SEPTIN3: variants seen among roughly 807,000 people sequenced by gnomAD.
SEPTIN3 encodes neuronal-specific septin-3.
A neutral mutation model predicts 45.1 loss-of-function variants in SEPTIN3; 15 were observed. The observed-to-expected ratio is 0.33, with a 90% CI of 0.22 to 0.51. The LOEUF (loss-of-function observed/expected upper bound fraction) is 0.51. Among genes scored for constraint, SEPTIN3 ranks in the 20% least tolerant of loss-of-function variants. The pLI is 0.97. For synonymous variants in SEPTIN3, 148 were observed against 164.8 expected (o/e 0.90, Z 0.78); for missense variants, 289 against 457.2 (o/e 0.63, Z 3.35).
At chr22:41,987,075 G>A in intron 4 of SEPTIN3, 131 bp from the exon 5 acceptor site, 2 of 605,640 alleles carry the variant, frequency 3.3e-6, no homozygotes, top group Non-Finnish European at 5.8e-6. Flanking sequence ...AGATGGAAAA[G>A]ACCCTAAATT....
chr22:41,971,171 C>T (rs779465533), intron 1 of SEPTIN3, among the ~76,000 whole-genome samples: 33 of 152,114 alleles, frequency 2.2e-4, no homozygotes, highest in Admixed American at 6.5e-4. Flanking sequence ...CAAAGGGAGA[C>T]GTAAGCCCAG....
At chr22:41,995,555 C>T (rs1365957593) in intron 11 of SEPTIN3, 2 of 985,078 alleles carry the variant, frequency 2.0e-6, no homozygotes, top group African/African-American at 1.8e-5. Context: ...CTGCGTGTCT[C>T]TGACATCTCT....
intron 2 of SEPTIN3, among the ~76,000 whole-genome samples, chr22:41,974,131 G>A (rs1201917772): frequency 7.0e-6 from 1 of 142,732 alleles, no homozygotes; most frequent in South Asian, 2.3e-4. Flanking sequence ...GACAGAGCAA[G>A]ACCCTGTCTC....
At chr22:41,978,061 C>T (rs1247577158) in intron 2 of SEPTIN3, among the ~76,000 whole-genome samples, 8 of 152,260 alleles carry the variant, frequency 5.3e-5, no homozygotes, top group East Asian at 3.9e-4. Context: ...TGCTGTGACC[C>T]GAGCTCTTCC....
chr22:41,977,125 C>G (rs1862652383), intron 2 of SEPTIN3: 2 of 1,561,788 alleles, frequency 1.3e-6, no homozygotes, highest in Non-Finnish European at 1.7e-6. Context: ...GGCTGCGGCC[C>G]CGGCCAGCGC....
rs59942714 is a variant in SEPTIN3, at chr22:41,994,883, CTGTGTG to C, written c.2505+204_2505+209del. The C allele has an allele frequency of 8.4e-3, 11,207 of 1,334,466 alleles. 84 individuals carry two copies. The highest frequency in any genetic ancestry group is 0.07 in the African/African-American group (4,557 of 64,752). 82.7% of individuals were successfully genotyped at this position (1,334,466 alleles called of 1,614,324 possible). On this transcript the variant is annotated intron_variant, in intron 11 of 11. Coordinates refer to ENST00000644076, the MANE Select transcript of SEPTIN3 (RefSeq NM_001363845.2). This position sits in a 1 kb window ranked among gnomAD's most constrained non-coding sequence, Gnocchi z 4.2. ...GTCTGGTATTTGTGGAGCATCTTGT[CTGTGTG>C]TGTGTGTGTGTGTGTGTGTGTGTGT...
Position 41,971,863 on chromosome 22 carries a change from G to C in SEPTIN3, c.371G>C (p.Arg124Pro). ...HQNSQARSLD[R>P]PLSHWEELPT... ...AACAGCCAGGCACGGTCCCTGGATC[G>C]CCCACTTTCTCACTGGGAAGAGTTG... is the stretch of plus-strand genomic sequence containing the variant. Residue 124 changes from arginine (R) to proline (P), a missense_variant, in exon 2 of 12, where the codon CGC (arginine) becomes CCC (proline). Physicochemically the swap from Arg to Pro is moderately radical, Grantham distance 103. Around this residue, in one of 3 missense-constraint regions of SEPTIN3, gnomAD observed 200 missense variants for 315.1 expected, o/e 0.63. Transcript: ENST00000644076. The C allele has an allele frequency of 2.5e-6, 1 of 399,076 alleles. No individual in the cohort carries two copies. Among genetic ancestry groups the C allele is most frequent in the Non-Finnish European group, 4.4e-6 (1 of 226,144 alleles). The allele number at this position is 399,076 out of a possible 1,614,324, so 24.7% of individuals were successfully genotyped here. A position where few individuals can be genotyped will look rare whatever the true frequency, so the allele number is the denominator to read the frequency against.
In SEPTIN3 at chr22:41,972,565, A is replaced by C. The variant is rs904037787; in HGVS notation, c.1073A>C (p.Asp358Ala). Residue 358 changes from aspartate (D) to alanine (A), a missense_variant, in exon 2 of 12, where the codon GAC becomes GCC. Physicochemically the swap from Asp to Ala is moderately radical, Grantham distance 126. Around this residue, in one of 3 missense-constraint regions of SEPTIN3, gnomAD observed 200 missense variants for 315.1 expected, o/e 0.63. Coordinates refer to ENST00000644076, the MANE Select transcript of SEPTIN3 (RefSeq NM_001363845.2). Reference protein sequence around the residue: ...MVMDLIASEPDKLGKAMATRS... With the variant: ...MVMDLIASEPAKLGKAMATRS... ...ATGGATTTGATAGCCTCAGAACCAG[A>C]CAAGCTGGGCAAAGCCATGGCTACA... The C allele has an allele frequency of 7.5e-6, 3 of 399,052 alleles. No individual in the cohort carries two copies. The highest frequency in any genetic ancestry group is 6.2e-5 in the African/African-American group (3 of 48,640). The allele number at this position is 399,052 out of a possible 1,614,324, so 24.7% of individuals were successfully genotyped here. A position where few individuals can be genotyped will look rare whatever the true frequency, so the allele number is the denominator to read the frequency against.
chr22:41,988,226 G>A (rs1232869388), intron 6 of SEPTIN3, among the ~76,000 whole-genome samples: 1 of 152,140 alleles, frequency 6.6e-6, no homozygotes, highest in Non-Finnish European at 1.5e-5. Context: ...GTACCAGCCT[G>A]GAGTGAGGCA....
chr22:41,977,618 T>G (rs1602411303), intron 2 of SEPTIN3, among the ~76,000 whole-genome samples: 2 of 120,550 alleles, frequency 1.7e-5, no homozygotes, highest in African/African-American at 6.5e-5. Context: ...GGAACTGGGG[T>G]GGGCTGGAAT....
intron 6 of SEPTIN3, among the ~76,000 whole-genome samples, chr22:41,988,360 G>A (rs1022650840): frequency 2.0e-5 from 3 of 152,180 alleles, no homozygotes; most frequent in Non-Finnish European, 2.9e-5. Context: ...TGAAGGAAGT[G>A]CTGGGAACAG....
In SEPTIN3 at chr22:41,989,692, G is replaced by T. The variant is rs79906803; in HGVS notation, c.2163+8G>T. On this transcript the variant is annotated splice_region_variant and intron_variant, in intron 7 of 11. Transcript: ENST00000644076. ...TCTGAATTCAAGCAAAGGGTGAGAA[G>T]GCCCCCTGTCTTCTTTTCCTGTTCC... 9.6e-5 allele frequency: 149 copies of T among 1,551,830 alleles called. No individual in the cohort carries two copies. In the African/African-American group the frequency reaches 1.7e-3, roughly 17 times the overall value.
chr22:41,991,322 C>T (rs2078312837), intron 7 of SEPTIN3, among the ~76,000 whole-genome samples: 1 of 152,112 alleles, frequency 6.6e-6, no homozygotes, highest in South Asian at 2.1e-4. Context: ...AAGCTGGTTG[C>T]GAGGCGCCTG....
chr22:41,984,688 C>G (rs372072247), intron 3 of SEPTIN3, among the ~76,000 whole-genome samples: 3 of 151,402 alleles, frequency 2.0e-5, no homozygotes, highest in Non-Finnish European at 4.4e-5. Flanking sequence ...GCCACCATGC[C>G]CGGCTAATTT....
Position 41,981,653 on chromosome 22 carries a change from G to A in SEPTIN3, c.1513G>A (p.Glu505Lys), listed in dbSNP as rs2078122551. ...DLATEYKGLP[E>K]TRTDAAMSEL... ...CCACCTTGGCTCTGCAGGGCTCCCA[G>A]AGACCAGGACGGACGCAGCCATGTC... is the stretch of plus-strand genomic sequence containing the variant. The change falls in exon 3 of 12, where the codon GAG becomes AAG. Residue 505 changes from glutamate (E) to lysine (K), a missense_variant. This residue lies in a region of SEPTIN3 where 200 missense variants were observed against 315.1 expected (regional missense o/e 0.63). Transcript: ENST00000644076. 6.2e-7 allele frequency: 1 copy of A among 1,611,670 alleles called. No homozygotes were observed. The highest frequency in any genetic ancestry group is 1.1e-5 in the South Asian group (1 of 90,936).
chr22:41,993,222 T>C (rs556446374), intron 9 of SEPTIN3, among the ~76,000 whole-genome samples: 29 of 152,198 alleles, frequency 1.9e-4, no homozygotes, highest in Non-Finnish European at 3.8e-4. Flanking sequence ...GGAGAGCGGG[T>C]GCTCCTGTTC....
intron 2 of SEPTIN3, among the ~76,000 whole-genome samples, chr22:41,975,022 C>T (rs1246660286): frequency 4.6e-5 from 7 of 152,146 alleles, no homozygotes; most frequent in Non-Finnish European, 7.4e-5. Flanking sequence ...AATCCATTTA[C>T]GCTCAGCCTT....
At chr22:41,992,590 C>A in intron 8 of SEPTIN3, 74 bp from the exon 9 acceptor site, 2 of 937,994 alleles carry the variant, frequency 2.1e-6, no homozygotes, top group Non-Finnish European at 3.3e-6. Context: ...CATATGCCAT[C>A]CTGCTCCTGA....
intron 9 of SEPTIN3, 44 bp downstream of exon 9, chr22:41,992,807 A>G: frequency 7.8e-7 from 1 of 1,286,116 alleles, no homozygotes; most frequent in Non-Finnish European, 1.1e-6. Flanking sequence ...CTGATCAGTT[A>G]TCCAGTCACC....
Sources: allele counts gnomAD v4.1 joint callset (sites outside exome capture counted in the v4.1 genomes callset), GRCh38; gene constraint gnomAD v4.1.1; regional missense constraint gnomAD v4.1.1; non-coding constraint Gnocchi (gnomAD v3.1); transcripts MANE v1.5; gene names NCBI Gene and HGNC (gene_info 2026-07-23, HGNC 2026-07-21).